DSCAML1: variants seen among roughly 807,000 people sequenced by gnomAD.
The protein encoded by DSCAML1 is DS cell adhesion molecule like 1, also known as cell adhesion molecule DSCAML1.
DSCAML1 carries 38 observed loss-of-function variants against 200.5 expected under a neutral mutation model. That is an observed-to-expected ratio of 0.19 (90% CI 0.15 to 0.25). The LOEUF is 0.25. Among genes scored for constraint, DSCAML1 ranks in the 10% least tolerant of loss-of-function variants. The pLI is 1.00. For synonymous variants in DSCAML1, 1,215 were observed against 1,165.0 expected (o/e 1.04, Z -0.87); for missense variants, 2,223 against 2,858.8 (o/e 0.78, Z 5.07).
chr11:117,438,129 G>T, intron 24 of DSCAML1, 46 bp from the exon 25 acceptor site: 1 of 1,548,402 alleles, frequency 6.5e-7, no homozygotes. Context: ...GCAGGGCAAG[G>T]CAGCAGAAGC....
At position 117,795,019 on chromosome 11, in the gene DSCAML1, C is replaced by A. The variant is rs935621401; in HGVS notation, c.46+2015G>T. ...CATCTCGAGTTGGACAAGATTTTGC[C>A]CCTTGGCTGTCCTGTTGCCTTCTGG... On this transcript the variant is annotated intron_variant, in intron 1 of 32. Coordinates refer to ENST00000651296, the MANE Select transcript of DSCAML1 (RefSeq NM_020693.4). 2.6e-5 allele frequency among the ~76,000 whole-genome samples: 4 copies of A among 152,314 alleles called. No individual in the cohort carries two copies. In the East Asian group the frequency reaches 7.7e-4, roughly 29 times the overall value.
chr11:117,478,308 G>A (rs1050010216), intron 14 of DSCAML1, among the ~76,000 whole-genome samples: 1 of 152,160 alleles, frequency 6.6e-6, no homozygotes, highest in Non-Finnish European at 1.5e-5. Flanking sequence ...CCAGATGTGC[G>A]CCGGCAGGGA....
At chr11:117,586,905 G>A (rs551252106) in intron 3 of DSCAML1, among the ~76,000 whole-genome samples, 1 of 152,322 alleles carries the variant, frequency 6.6e-6, no homozygotes, top group East Asian at 1.9e-4. Flanking sequence ...ACAGCGCTGA[G>A]GCCAAGTTGG....
intron 3 of DSCAML1, among the ~76,000 whole-genome samples, chr11:117,562,605 C>T (rs536373087): frequency 5.3e-5 from 8 of 152,370 alleles, no homozygotes; most frequent in African/African-American, 1.9e-4. Flanking sequence ...TGGGATCTAA[C>T]AGACTTGGGC....
chr11:117,647,472 T>G (rs1474784383), intron 3 of DSCAML1, among the ~76,000 whole-genome samples: 2 of 151,992 alleles, frequency 1.3e-5, no homozygotes, highest in Non-Finnish European at 2.9e-5. Flanking sequence ...TTTCTCAGAG[T>G]CAGAGGGCAG....
At chr11:117,442,988 G>A (rs1196294415) in intron 21 of DSCAML1, among the ~76,000 whole-genome samples, 1 of 152,220 alleles carries the variant, frequency 6.6e-6, no homozygotes, top group East Asian at 1.9e-4. Context: ...ATGCTGGCTG[G>A]CTCTGAGCCC....
At chr11:117,490,430 G>C (rs968875900) in intron 11 of DSCAML1, among the ~76,000 whole-genome samples, 1 of 152,168 alleles carries the variant, frequency 6.6e-6, no homozygotes, top group African/African-American at 2.4e-5. Flanking sequence ...CCCAGGCGTG[G>C]AGGTAGAGTT....
intron 3 of DSCAML1, among the ~76,000 whole-genome samples, chr11:117,688,406 A>C (rs1412639275): frequency 2.0e-5 from 3 of 152,210 alleles, no homozygotes; most frequent in Non-Finnish European, 4.4e-5. Context: ...TCTCAGTCCC[A>C]GCAGGACAAG....
chr11:117,766,122 C>T (rs1422582235), intron 3 of DSCAML1, among the ~76,000 whole-genome samples: 2 of 152,200 alleles, frequency 1.3e-5, no homozygotes, highest in Non-Finnish European at 2.9e-5. Context: ...TGCAGTGAGC[C>T]TTGTGGCATT....
At chr11:117,797,959 C>A (rs574661347), upstream of DSCAML1, among the ~76,000 whole-genome samples, 2 of 152,326 alleles carry the variant, frequency 1.3e-5, no homozygotes, top group East Asian at 3.9e-4. Context: ...TAGAATAGGA[C>A]TGGAGTGAGG....
At chr11:117,761,644 G>A (rs1037158785) in intron 3 of DSCAML1, among the ~76,000 whole-genome samples, 1 of 152,244 alleles carries the variant, frequency 6.6e-6, no homozygotes, top group Non-Finnish European at 1.5e-5. Context: ...GCTGAGGTGG[G>A]AGGATCACTG....
intron 8 of DSCAML1, among the ~76,000 whole-genome samples, chr11:117,512,393 A>C (rs2049642988): frequency 6.6e-6 from 1 of 152,124 alleles, no homozygotes; most frequent in African/African-American, 2.4e-5. Context: ...CAGCGTGATC[A>C]TAATCAGCTC....
chr11:117,512,925 T>G (rs1352444205), intron 8 of DSCAML1, among the ~76,000 whole-genome samples: 1 of 152,090 alleles, frequency 6.6e-6, no homozygotes, highest in Non-Finnish European at 1.5e-5. Flanking sequence ...TCATTAGGAC[T>G]GATCACTCCC....
At chr11:117,570,145 TG>T (rs1255537725) in intron 3 of DSCAML1, among the ~76,000 whole-genome samples, 2 of 138,952 alleles carry the variant, frequency 1.4e-5, no homozygotes, top group Non-Finnish European at 3.1e-5. Context: ...TCTAGAGGGG[TG>T]GGGGGATGTG....
intron 3 of DSCAML1, among the ~76,000 whole-genome samples, chr11:117,610,946 G>A (rs962006701): frequency 2.0e-5 from 3 of 151,442 alleles, no homozygotes; most frequent in African/African-American, 7.3e-5. Context: ...TGAGTCAAAG[G>A]GTATGTACAT....
chr11:117,512,643 TACACACACACACAC>T (rs71037481), intron 8 of DSCAML1, among the ~76,000 whole-genome samples: 58 of 125,236 alleles, frequency 4.6e-4, no homozygotes, highest in East Asian at 3.0e-3. Flanking sequence ...CAAGCGTGTG[TACACACACACACAC>T]ACACACACAC....
intron 3 of DSCAML1, among the ~76,000 whole-genome samples, chr11:117,738,227 C>G (rs567098635): frequency 6.6e-6 from 1 of 152,292 alleles, no homozygotes; most frequent in South Asian, 2.1e-4. Flanking sequence ...GAACTCTTTT[C>G]TCACCTTCTG....
In DSCAML1 at chr11:117,476,431, G is replaced by A. The variant is rs374226449; in HGVS notation, c.2785+4012C>T. Among the ~76,000 whole-genome samples the A allele has an allele frequency of 1.4e-4, 21 of 152,256 alleles. No homozygotes were observed. The East Asian group carries it at 2.3e-3, about 17-fold the overall frequency. On this transcript the variant is annotated intron_variant, in intron 14 of 32. Coordinates refer to ENST00000651296, the MANE Select transcript of DSCAML1 (RefSeq NM_020693.4). ...ACAGCACGGAGAAGAGGCCTCCTGC[G>A]TCACAACGACAGCTCACGACATCTC...
chr11:117,725,538 T>G (rs1185257957), intron 3 of DSCAML1, among the ~76,000 whole-genome samples: 1 of 152,194 alleles, frequency 6.6e-6, no homozygotes, highest in Admixed American at 6.5e-5. Flanking sequence ...CCACTTATCT[T>G]TCCCATTTCC....
Sources: gnomAD v4.1 joint callset for allele counts (sites outside exome capture counted in the v4.1 genomes callset) on GRCh38, gnomAD v4.1.1 for gene constraint, MANE v1.5 for transcripts, NCBI Gene and HGNC (gene_info 2026-07-23, HGNC 2026-07-21) for gene names.